Variants in SORCS1 observed in about 807,000 individuals in gnomAD.
SORCS1 encodes sortilin related VPS10 domain containing receptor 1.
A neutral mutation model predicts 146.1 loss-of-function variants in SORCS1; 60 were observed. That is an observed-to-expected ratio of 0.41 (90% CI 0.33 to 0.51). The LOEUF (loss-of-function observed/expected upper bound fraction) is 0.51. SORCS1 is among the 20% of genes least tolerant of loss of function. SORCS1 has a pLI of 0.21. For missense variants in SORCS1, 1,352 were observed against 1,487.6 expected (o/e 0.91, Z 1.50); for synonymous variants, 637 against 584.0 (o/e 1.09, Z -1.31).
rs557513610 is a variant in SORCS1, at chr10:106,876,165, T to C, written c.627-46492A>G. On this transcript the variant is annotated intron_variant, in intron 2 of 25. Transcript: ENST00000263054. ...TTAGAACCAGGCAATTGCTGAAGCA[T>C]TCTGGTTAAAGATACACTGTAAGGA... Among the ~76,000 whole-genome samples the C allele has an allele frequency of 2.6e-5, 4 of 152,320 alleles. No individual in the cohort carries two copies. The East Asian group carries it at 5.8e-4, about 22-fold the overall frequency.
chr10:106,976,076 G>A (rs1955983074), intron 1 of SORCS1, among the ~76,000 whole-genome samples: 1 of 149,328 alleles, frequency 6.7e-6, no homozygotes, highest in Non-Finnish European at 1.5e-5. Context: ...AACCCGGGAG[G>A]CAGAGGTTTC....
At chr10:107,061,859 T>C (rs1028179433) in intron 1 of SORCS1, among the ~76,000 whole-genome samples, 3 of 152,160 alleles carry the variant, frequency 2.0e-5, no homozygotes, top group Non-Finnish European at 4.4e-5. Context: ...AATAGAGAAA[T>C]ACGTTAACAG....
chr10:107,166,812 C>T (rs1241557273), upstream of SORCS1, among the ~76,000 whole-genome samples: 1 of 152,172 alleles, frequency 6.6e-6, no homozygotes, highest in Non-Finnish European at 1.5e-5. Flanking sequence ...AAATTATCAT[C>T]CAAATATAGG....
chr10:106,586,404 T>G (rs1014048532), intron 24 of SORCS1, among the ~76,000 whole-genome samples: 18 of 152,160 alleles, frequency 1.2e-4, no homozygotes, highest in African/African-American at 4.3e-4. Context: ...CCTTCCCCTT[T>G]GCTTTACTTT....
chr10:106,676,344 A>C (rs1004785431), intron 13 of SORCS1, among the ~76,000 whole-genome samples: 3 of 152,232 alleles, frequency 2.0e-5, no homozygotes, highest in African/African-American at 4.8e-5. Context: ...TCAAAAAAGA[A>C]AAATAAGAAA....
At chr10:106,706,873 G>C (rs1854571239) in intron 7 of SORCS1, among the ~76,000 whole-genome samples, 1 of 152,206 alleles carries the variant, frequency 6.6e-6, no homozygotes, top group Non-Finnish European at 1.5e-5. Flanking sequence ...TTTGCACTGT[G>C]ACTCAGATGC....
chr10:106,598,554 C>T (rs1452584197), intron 23 of SORCS1, among the ~76,000 whole-genome samples: 1 of 152,052 alleles, frequency 6.6e-6, no homozygotes, highest in Non-Finnish European at 1.5e-5. Context: ...GCCACTGCGC[C>T]CGGCCCACTC....
chr10:106,872,030 A>G (rs1010280903), intron 2 of SORCS1, among the ~76,000 whole-genome samples: 4 of 152,256 alleles, frequency 2.6e-5, no homozygotes, highest in African/African-American at 9.6e-5. Flanking sequence ...AGAAAATAAA[A>G]TACAAAATTG....
intron 5 of SORCS1, among the ~76,000 whole-genome samples, chr10:106,758,742 G>A (rs997852080): frequency 6.6e-5 from 10 of 152,176 alleles, no homozygotes; most frequent in Non-Finnish European, 1.0e-4. Flanking sequence ...ATTAGTAAGA[G>A]AGGGAGAAAA....
intron 24 of SORCS1, among the ~76,000 whole-genome samples, chr10:106,594,969 T>C (rs2133298776): frequency 6.6e-6 from 1 of 152,368 alleles, no homozygotes; most frequent in South Asian, 2.1e-4. Context: ...TTCTACTCAG[T>C]TGACATTTGT....
chr10:106,674,568 A>G (rs924970441), intron 14 of SORCS1, among the ~76,000 whole-genome samples: 3 of 152,110 alleles, frequency 2.0e-5, no homozygotes, highest in Non-Finnish European at 4.4e-5. Flanking sequence ...TCACAAATTA[A>G]TGATCATCAC....
chr10:106,736,942 G>A lies in SORCS1; in HGVS notation c.960-6828C>T, dbSNP rs187474343. ...CAATGGCCTACTGAGAATCAGCATTGCCAGCAACCTGAGGCCCTCCACGTG... is the reference window on the plus strand; with the variant it reads ...CAATGGCCTACTGAGAATCAGCATTACCAGCAACCTGAGGCCCTCCACGTG... On this transcript the variant is annotated intron_variant, in intron 5 of 25. Coordinates refer to ENST00000263054, the MANE Select transcript of SORCS1 (RefSeq NM_052918.5). 5.9e-5 allele frequency among the ~76,000 whole-genome samples: 9 copies of A among 152,258 alleles called. No homozygotes were observed. The East Asian group carries it at 1.7e-3, about 29-fold the overall frequency.
At chr10:106,655,877 A>G (rs756699974) in intron 17 of SORCS1, among the ~76,000 whole-genome samples, 1 of 152,218 alleles carries the variant, frequency 6.6e-6, no homozygotes, top group African/African-American at 2.4e-5. Flanking sequence ...TCTGAGTTAC[A>G]TAAATGAATA....
intron 5 of SORCS1, among the ~76,000 whole-genome samples, chr10:106,733,947 C>T (rs988000149): frequency 2.6e-5 from 4 of 152,152 alleles, no homozygotes; most frequent in African/African-American, 9.7e-5. Context: ...AGTGTTCTGT[C>T]TTTTATCACT....
intron 24 of SORCS1, among the ~76,000 whole-genome samples, chr10:106,584,364 AGTCTCTT>A (rs1845097564): frequency 6.6e-6 from 1 of 152,218 alleles, no homozygotes; most frequent in Non-Finnish European, 1.5e-5. Context: ...TTTCCAGGGA[AGTCTCTT>A]GTTAAAGTAG....
At chr10:107,049,627 C>T (rs1182810361) in intron 1 of SORCS1, among the ~76,000 whole-genome samples, 2 of 152,108 alleles carry the variant, frequency 1.3e-5, no homozygotes, top group African/African-American at 4.8e-5. Context: ...TTTCACTTAG[C>T]ATTGAAGTTT....
intron 1 of SORCS1, among the ~76,000 whole-genome samples, chr10:106,965,331 C>A (rs549631920): frequency 6.6e-6 from 1 of 152,108 alleles, no homozygotes; most frequent in African/African-American, 2.4e-5. Flanking sequence ...CCTCACCAAC[C>A]AGGATCCTGC....
chr10:106,956,683 A>T, intron 1 of SORCS1, 103 bp from the exon 2 acceptor site: 1 of 915,098 alleles, frequency 1.1e-6, no homozygotes, highest in Non-Finnish European at 1.7e-6. Context: ...TAGTCACTTA[A>T]CATAATTGAA....
intron 3 of SORCS1, among the ~76,000 whole-genome samples, chr10:106,811,101 G>A (rs535368410): frequency 2.0e-5 from 3 of 151,732 alleles, no homozygotes; most frequent in Non-Finnish European, 2.9e-5. Flanking sequence ...CACCACATCC[G>A]GCTAATTTTT....
Sources: gnomAD v4.1 joint callset for allele counts (sites outside exome capture counted in the v4.1 genomes callset) on GRCh38, gnomAD v4.1.1 for gene constraint, MANE v1.5 for transcripts, NCBI Gene and HGNC (gene_info 2026-07-23, HGNC 2026-07-21) for gene names.